Variants in LRRC63 observed in about 807,000 individuals in gnomAD.
LRRC63 encodes the protein leucine-rich repeat-containing protein 63.
A neutral mutation model predicts 49.5 loss-of-function variants in LRRC63; 40 were observed. The observed-to-expected ratio is 0.81, with a 90% CI of 0.63 to 1.05. The LOEUF (loss-of-function observed/expected upper bound fraction) is 1.05, where lower values mean the gene tolerates loss of function less well. Ranked by LOEUF, LRRC63 falls within the 50% of genes least tolerant of loss-of-function variation. The pLI is 0.00. For synonymous variants in LRRC63, 191 were observed against 221.1 expected (o/e 0.86, Z 1.21); for missense variants, 636 against 663.1 (o/e 0.96, Z 0.45).
intron 7 of LRRC63, among the ~76,000 whole-genome samples, chr13:46,255,907 A>C (rs564708283): frequency 2.6e-5 from 4 of 152,116 alleles, no homozygotes; most frequent in Non-Finnish European, 4.4e-5. Context: ...CAGACTTCTA[A>C]CATCATAGAC....
At chr13:46,228,913 A>G (rs1002323202) in intron 4 of LRRC63, among the ~76,000 whole-genome samples, 180 bp downstream of exon 4, 1 of 152,190 alleles carries the variant, frequency 6.6e-6, no homozygotes, top group Non-Finnish European at 1.5e-5. Context: ...TATATTGACT[A>G]TGAACCAAAT....
At chr13:46,271,175 A>G (rs2047753134) in intron 9 of LRRC63, among the ~76,000 whole-genome samples, 2 of 152,192 alleles carry the variant, frequency 1.3e-5, no homozygotes, top group South Asian at 4.1e-4. Context: ...GTATTTGGGT[A>G]TATGTGGAAG....
chr13:46,257,257 GC>G (rs1200791387), intron 7 of LRRC63, among the ~76,000 whole-genome samples: 1 of 152,204 alleles, frequency 6.6e-6, no homozygotes. Flanking sequence ...ACTGAATTCT[GC>G]CAACAGCCTG....
intron 7 of LRRC63, among the ~76,000 whole-genome samples, chr13:46,254,414 G>A (rs1402799221): frequency 6.6e-6 from 1 of 152,140 alleles, no homozygotes; most frequent in East Asian, 1.9e-4. Context: ...GGAGATGGGA[G>A]GGGAAGAAGT....
intron 8 of LRRC63, among the ~76,000 whole-genome samples, chr13:46,266,080 GC>G (rs202089592): frequency 0.095 from 14,475 of 152,114 alleles, 1,170 homozygotes; most frequent in African/African-American, 0.22. Context: ...AGTTGGACCA[GC>G]CTTTGATTTG....
chr13:46,217,764 AC>A (rs1343457433), intron 2 of LRRC63, among the ~76,000 whole-genome samples: 3 of 152,150 alleles, frequency 2.0e-5, no homozygotes, highest in Admixed American at 1.3e-4. Flanking sequence ...ATTTCCCTCT[AC>A]ACACTGCTTT....
At chr13:46,268,773 G>A (rs2047715768) in intron 9 of LRRC63, among the ~76,000 whole-genome samples, 1 of 151,626 alleles carries the variant, frequency 6.6e-6, no homozygotes, top group African/African-American at 2.4e-5. Context: ...AGGCAAGAAG[G>A]AATGGTGAGA....
intron 4 of LRRC63, among the ~76,000 whole-genome samples, chr13:46,233,398 G>A (rs1364650876): frequency 6.6e-6 from 1 of 152,086 alleles, no homozygotes; most frequent in African/African-American, 2.4e-5. Flanking sequence ...GGGCACAGAG[G>A]TTCTATTTTA....
intron 2 of LRRC63, among the ~76,000 whole-genome samples, chr13:46,225,751 G>A (rs2046555149): frequency 6.6e-6 from 1 of 152,122 alleles, no homozygotes; most frequent in Non-Finnish European, 1.5e-5. Context: ...TGTGGCATAT[G>A]TATCTCTCTA....
chr13:46,268,667 C>T (rs1461874015), intron 9 of LRRC63, among the ~76,000 whole-genome samples: 3 of 151,376 alleles, frequency 2.0e-5, no homozygotes, highest in Non-Finnish European at 4.4e-5. Context: ...TTCAGATAAA[C>T]CAAAACAGAA....
At chr13:46,261,685 G>A (rs2047617168) in intron 7 of LRRC63, among the ~76,000 whole-genome samples, 1 of 151,902 alleles carries the variant, frequency 6.6e-6, no homozygotes, top group Non-Finnish European at 1.5e-5. Context: ...TTCTAAATAG[G>A]GCTTTGTCCA....
At chr13:46,259,595 A>G (rs1193727244) in intron 7 of LRRC63, among the ~76,000 whole-genome samples, 1 of 152,236 alleles carries the variant, frequency 6.6e-6, no homozygotes, top group Non-Finnish European at 1.5e-5. Context: ...TCTTAACAGC[A>G]GATCTGAAAT....
intron 2 of LRRC63, among the ~76,000 whole-genome samples, chr13:46,222,539 A>G (rs2046436767): frequency 6.6e-6 from 1 of 152,186 alleles, no homozygotes; most frequent in South Asian, 2.1e-4. Flanking sequence ...TAGAATGGCA[A>G]TCATTAAAAA....
At chr13:46,269,820 T>C (rs1171984336) in intron 9 of LRRC63, among the ~76,000 whole-genome samples, 1 of 148,068 alleles carries the variant, frequency 6.8e-6, no homozygotes, top group East Asian at 1.9e-4. Flanking sequence ...TAGTAGTCGC[T>C]ATAGATATAT....
At chr13:46,249,176 CT>C (rs2047305514) in intron 6 of LRRC63, among the ~76,000 whole-genome samples, 1 of 151,624 alleles carries the variant, frequency 6.6e-6, no homozygotes, top group African/African-American at 2.4e-5. Context: ...AAATGTAAAT[CT>C]TTTAAAAAAG....
chr13:46,251,706 T>C (rs895413337), intron 7 of LRRC63, among the ~76,000 whole-genome samples: 17 of 152,014 alleles, frequency 1.1e-4, no homozygotes, highest in African/African-American at 4.1e-4. Context: ...CAAACACATA[T>C]ACAATTACAT....
At chr13:46,265,053 G>A (rs766426522) in intron 8 of LRRC63, among the ~76,000 whole-genome samples, 7 of 152,066 alleles carry the variant, frequency 4.6e-5, no homozygotes, top group Non-Finnish European at 1.0e-4. Context: ...CCAGCTACTC[G>A]TGAGACTGAG....
intron 6 of LRRC63, 122 bp downstream of exon 6, chr13:46,246,747 C>A (rs374654260): frequency 2.3e-6 from 1 of 435,796 alleles, no homozygotes; most frequent in African/African-American, 2.0e-5. Context: ...TTTTGGATTG[C>A]ATCTTTTGAA....
chr13:46,270,978 C>T (rs556610499), intron 9 of LRRC63, among the ~76,000 whole-genome samples: 5 of 152,276 alleles, frequency 3.3e-5, no homozygotes, highest in South Asian at 2.1e-4. Context: ...AAATAATTTA[C>T]GCATTATCCC....
Sources: allele counts gnomAD v4.1 joint callset (sites outside exome capture counted in the v4.1 genomes callset), GRCh38; gene constraint gnomAD v4.1.1; transcripts MANE v1.5; gene names NCBI Gene and HGNC (gene_info 2026-07-23, HGNC 2026-07-21).